The following ZNF362 variants were observed in gnomAD, a reference collection of about 807,000 sequenced individuals.
ZNF362 encodes rotund homolog.
ZNF362 carries 11 observed loss-of-function variants against 42.9 expected under a neutral mutation model. The observed-to-expected ratio is 0.26, with a 90% confidence interval of 0.16 to 0.42. The LOEUF is 0.42. Among genes scored for constraint, ZNF362 ranks in the 20% least tolerant of loss-of-function variants. The pLI, the probability that ZNF362 is intolerant of heterozygous loss-of-function variation, is 1.00. For missense variants in ZNF362, 362 were observed against 576.2 expected (o/e 0.63, Z 3.81); for synonymous variants, 255 against 257.3 (o/e 0.99, Z 0.09).
the ZNF362 span, among the ~76,000 whole-genome samples, chr1:33,136,318 TTTTC>T: frequency 6.7e-6 from 1 of 149,018 alleles, no homozygotes; most frequent in African/African-American, 2.5e-5. Flanking sequence ...CTTTCTTTCT[TTTTC>T]TTTCTTTCCT....
the ZNF362 span, among the ~76,000 whole-genome samples, chr1:33,234,977 G>A: frequency 5.9e-5 from 9 of 152,120 alleles, no homozygotes; most frequent in East Asian, 3.9e-4. Context: ...AGCTGAGGTC[G>A]ATCATTGGGC....
intron 2 of ZNF362, 46 bp from the exon 3 acceptor site, chr1:33,276,054 C>T (rs750746988): frequency 1.2e-6 from 2 of 1,610,818 alleles, no homozygotes; most frequent in Non-Finnish European, 1.7e-6. Flanking sequence ...CGCCCCAGGC[C>T]TTGGGGAGGG....
chr1:33,134,844 G>T, the ZNF362 span, among the ~76,000 whole-genome samples: 1 of 152,168 alleles, frequency 6.6e-6, no homozygotes, highest in African/African-American at 2.4e-5. Flanking sequence ...GAAATCCCTG[G>T]CTCCTCATTT....
the ZNF362 span, chr1:33,199,648 A>G: frequency 6.6e-6 from 1 of 152,242 alleles, no homozygotes. Context: ...AAATTATTTA[A>G]ATCCCTTTAA....
At chr1:33,257,538 C>T (rs1645802206) in intron 1 of ZNF362, among the ~76,000 whole-genome samples, 5 of 151,084 alleles carry the variant, frequency 3.3e-5, no homozygotes, top group African/African-American at 1.2e-4. Context: ...CTGCCGGTTT[C>T]CTCAGAGCTG....
the ZNF362 span, among the ~76,000 whole-genome samples, chr1:33,218,361 A>C: frequency 6.6e-6 from 1 of 152,104 alleles, no homozygotes; most frequent in South Asian, 2.1e-4. Context: ...GGATGACTTG[A>C]GCCCTGGAGG....
the ZNF362 span, among the ~76,000 whole-genome samples, chr1:33,204,967 A>G: frequency 1.3e-5 from 2 of 152,210 alleles, no homozygotes; most frequent in Admixed American, 6.5e-5. Flanking sequence ...TATGTGGAAG[A>G]CCTATATATT....
At chr1:33,256,172 T>TGGCGGCGGCGGCGGCGGC (rs535478080), upstream of ZNF362, among the ~76,000 whole-genome samples, 1 of 145,494 alleles carries the variant, frequency 6.9e-6, no homozygotes, top group Non-Finnish European at 1.5e-5. Flanking sequence ...TGCCAGGCGG[T>TGGCGGCGGCGGCGGCGGC]GGCGGCGGCG....
chr1:33,158,927 G>C, the ZNF362 span, among the ~76,000 whole-genome samples: 177 of 151,662 alleles, frequency 1.2e-3, no homozygotes, highest in African/African-American at 4.1e-3. Context: ...TGCAACCTCT[G>C]CCTCCTGGGT....
chr1:33,136,830 C>A, the ZNF362 span, among the ~76,000 whole-genome samples: 1 of 151,606 alleles, frequency 6.6e-6, no homozygotes, highest in Non-Finnish European at 1.5e-5. Context: ...AACCCTGTCT[C>A]TACTAAAAAT....
chr1:33,241,235 C>T, the ZNF362 span, among the ~76,000 whole-genome samples: 1 of 152,128 alleles, frequency 6.6e-6, no homozygotes, highest in African/African-American at 2.4e-5. Context: ...TGGCTCACGC[C>T]TGTAATCCTA....
At chr1:33,181,158 G>T in the ZNF362 span, 2 of 1,599,116 alleles carry the variant, frequency 1.3e-6, no homozygotes, top group Non-Finnish European at 1.7e-6. This position sits in a 1 kb window ranked among gnomAD's most constrained non-coding sequence, Gnocchi z 6.5. Context: ...CGCCTGGCAG[G>T]GTCGCGCGGC....
the ZNF362 span, among the ~76,000 whole-genome samples, chr1:33,217,878 A>G: frequency 1.3e-5 from 2 of 152,318 alleles, no homozygotes; most frequent in South Asian, 2.1e-4. Context: ...ATAATATGTC[A>G]TGGATATCTA....
At chr1:33,284,232 C>T (rs1488469340) in intron 6 of ZNF362, among the ~76,000 whole-genome samples, 1 of 152,198 alleles carries the variant, frequency 6.6e-6, no homozygotes, top group Non-Finnish European at 1.5e-5. Context: ...AGGTCCAGTC[C>T]GGTTTCCTGG....
the ZNF362 span, among the ~76,000 whole-genome samples, chr1:33,158,950 C>T: frequency 6.6e-6 from 1 of 152,002 alleles, no homozygotes. Flanking sequence ...AAGCAATTCT[C>T]CTGCCTCAGC....
chr1:33,230,942 G>A, the ZNF362 span, among the ~76,000 whole-genome samples: 1 of 152,174 alleles, frequency 6.6e-6, no homozygotes, highest in Non-Finnish European at 1.5e-5. Context: ...TATTATTAAG[G>A]TATCAACAAG....
the ZNF362 span, among the ~76,000 whole-genome samples, chr1:33,185,999 A>G: frequency 6.6e-6 from 1 of 152,180 alleles, no homozygotes; most frequent in African/African-American, 2.4e-5. Context: ...ATATTTTTGT[A>G]ATCAGAAAAA....
At chr1:33,290,962 T>G (rs1646073091) in intron 6 of ZNF362, among the ~76,000 whole-genome samples, 1 of 152,134 alleles carries the variant, frequency 6.6e-6, no homozygotes, top group Non-Finnish European at 1.5e-5. Flanking sequence ...TTCTGGATAT[T>G]AGCCCTTTGT....
At chr1:33,155,521 G>A in the ZNF362 span, among the ~76,000 whole-genome samples, 1 of 152,068 alleles carries the variant, frequency 6.6e-6, no homozygotes, top group Non-Finnish European at 1.5e-5. Context: ...CTCCTTCCTG[G>A]TGTGTGTGAG....
Sources: allele counts gnomAD v4.1 joint callset (sites outside exome capture counted in the v4.1 genomes callset), GRCh38; gene constraint gnomAD v4.1.1; non-coding constraint Gnocchi (gnomAD v3.1); transcripts MANE v1.5; gene names NCBI Gene and HGNC (gene_info 2026-07-23, HGNC 2026-07-21).